The following CDKAL1 variants were observed in gnomAD, a reference collection of about 807,000 sequenced individuals.
CDKAL1 encodes the protein CDKAL1 threonylcarbamoyladenosine tRNA methylthiotransferase.
Under a neutral mutation model 68.2 loss-of-function variants are expected in CDKAL1, and 32 were observed. The ratio of observed to expected loss-of-function variants is 0.47; its 90% CI spans 0.35 to 0.63. The LOEUF (loss-of-function observed/expected upper bound fraction) is 0.63. CDKAL1 is among the 30% of genes least tolerant of loss of function. CDKAL1 has a pLI of 0.00. For missense variants in CDKAL1, 606 were observed against 696.7 expected, an observed-to-expected ratio of 0.87 and a Z score of 1.47; for synonymous variants, 234 against 244.3, an observed-to-expected ratio of 0.96 and a Z score of 0.39.
intron 8 of CDKAL1, among the ~76,000 whole-genome samples, chr6:20,814,768 G>A (rs2150429391): frequency 6.6e-6 from 1 of 152,276 alleles, no homozygotes; most frequent in Non-Finnish European, 1.5e-5. Context: ...TGTAGTTCCT[G>A]TACATGTACA....
intron 13 of CDKAL1, among the ~76,000 whole-genome samples, chr6:21,141,718 T>C (rs997398876): frequency 2.6e-5 from 4 of 152,150 alleles, no homozygotes; most frequent in African/African-American, 9.7e-5. Context: ...AGAGAAATTA[T>C]CCACATAAAA....
At chr6:20,546,024 T>C (rs568026476) in intron 2 of CDKAL1, among the ~76,000 whole-genome samples, 70 of 152,334 alleles carry the variant, frequency 4.6e-4, no homozygotes, top group African/African-American at 1.6e-3. Flanking sequence ...TTGTTAGGCT[T>C]TTACGCTTCC....
At chr6:21,135,766 A>C in intron 13 of CDKAL1, 3 of 907,702 alleles carry the variant, frequency 3.3e-6, no homozygotes, top group Non-Finnish European at 2.6e-6. Flanking sequence ...AGGCAGTGCC[A>C]GAAAGACAGC....
intron 11 of CDKAL1, among the ~76,000 whole-genome samples, chr6:21,034,413 G>A (rs1769462878): frequency 1.3e-5 from 2 of 151,740 alleles, no homozygotes; most frequent in African/African-American, 4.9e-5. Flanking sequence ...GGAGAATCCA[G>A]CAACCTTTAA....
intron 12 of CDKAL1, among the ~76,000 whole-genome samples, chr6:21,087,737 A>G (rs1189112904): frequency 6.6e-6 from 1 of 152,150 alleles, no homozygotes; most frequent in Admixed American, 6.5e-5. Flanking sequence ...AATTTTATAT[A>G]TGTGTGTTTA....
chr6:20,892,433 A>G (rs1332482223), intron 9 of CDKAL1, among the ~76,000 whole-genome samples: 2 of 152,240 alleles, frequency 1.3e-5, no homozygotes, highest in Non-Finnish European at 2.9e-5. Context: ...AAGGTATGGT[A>G]ATAATGAAAT....
intron 5 of CDKAL1, among the ~76,000 whole-genome samples, chr6:20,681,080 CA>C (rs1333295443): frequency 6.6e-6 from 1 of 152,198 alleles, no homozygotes; most frequent in South Asian, 2.1e-4. Context: ...TCTGTTGTAT[CA>C]TGTTAGTTGG....
intron 4 of CDKAL1, among the ~76,000 whole-genome samples, chr6:20,648,807 T>C (rs1033853141): frequency 6.6e-6 from 1 of 152,200 alleles, no homozygotes; most frequent in African/African-American, 2.4e-5. Context: ...TATAACAATA[T>C]TTAATCAAAA....
chr6:20,968,115 CT>C, intron 10 of CDKAL1, among the ~76,000 whole-genome samples: 1 of 147,282 alleles, frequency 6.8e-6, no homozygotes, highest in Non-Finnish European at 1.5e-5. Flanking sequence ...GTTTCTAGAG[CT>C]TTTAGGATGT....
chr6:20,806,212 C>G (rs1052514858), intron 8 of CDKAL1, among the ~76,000 whole-genome samples: 4 of 152,112 alleles, frequency 2.6e-5, no homozygotes, highest in Non-Finnish European at 4.4e-5. Context: ...GTTTAGCTCC[C>G]TCTTATTAGT....
intron 12 of CDKAL1, among the ~76,000 whole-genome samples, chr6:21,098,151 T>C (rs1197204804): frequency 6.6e-6 from 1 of 152,192 alleles, no homozygotes. Flanking sequence ...ATTAATCACC[T>C]AAGTTTTAGA....
intron 13 of CDKAL1, among the ~76,000 whole-genome samples, chr6:21,135,272 T>C (rs1775535022): frequency 6.6e-6 from 1 of 152,190 alleles, no homozygotes; most frequent in Non-Finnish European, 1.5e-5. Context: ...TGGTTTCTTA[T>C]CTTGAAATTG....
chr6:20,676,106 G>T lies in CDKAL1; in HGVS notation c.371+26729G>T, dbSNP rs180736587. ...ATATTTTTGTACACCTGAACAATTT[G>T]TGTTTTAAGGTAATCGTTATTATGA... On this transcript the variant is annotated intron_variant, in intron 5 of 15. Coordinates refer to ENST00000274695, the MANE Select transcript of CDKAL1 (RefSeq NM_017774.3). 2.4e-4 allele frequency among the ~76,000 whole-genome samples: 37 copies of T among 152,278 alleles called. 1 individual carries two copies. The East Asian group carries it at 6.9e-3, about 29-fold the overall frequency.
At position 21,159,303 on chromosome 6, in the gene CDKAL1, CT is replaced by C. The variant is rs1776796853; in HGVS notation, c.1300-38717del. On this transcript the variant is annotated intron_variant, in intron 13 of 15. Transcript: ENST00000274695. Reference sequence around the variant, plus strand: ...ACTGATTATAAGCTAGGAAATATTCCTGTGTTTCTACTTAAAATCAGCTTTA... The same window carrying C: ...ACTGATTATAAGCTAGGAAATATTCCGTGTTTCTACTTAAAATCAGCTTTA... 2.0e-5 allele frequency among the ~76,000 whole-genome samples: 3 copies of C among 152,024 alleles called. No homozygotes were observed. The South Asian group carries it at 6.2e-4, about 32-fold the overall frequency.
At chr6:20,889,161 A>G (rs988288813) in intron 9 of CDKAL1, among the ~76,000 whole-genome samples, 17 of 151,928 alleles carry the variant, frequency 1.1e-4, no homozygotes, top group Non-Finnish European at 2.1e-4. Flanking sequence ...TGGCTGCATA[A>G]ATGTCTTCTT....
At chr6:20,730,994 C>T (rs1772899669) in intron 5 of CDKAL1, among the ~76,000 whole-genome samples, 2 of 151,922 alleles carry the variant, frequency 1.3e-5, no homozygotes, top group South Asian at 4.2e-4. Context: ...GACATCTGGG[C>T]CAAGAATGTA....
intron 9 of CDKAL1, among the ~76,000 whole-genome samples, chr6:20,862,918 T>C (rs1295941153): frequency 6.6e-6 from 1 of 152,050 alleles, no homozygotes; most frequent in Non-Finnish European, 1.5e-5. Flanking sequence ...TCCCAGCTAC[T>C]TGGAAGGCTG....
chr6:20,699,362 C>T (rs1771244092), intron 5 of CDKAL1, among the ~76,000 whole-genome samples: 2 of 151,416 alleles, frequency 1.3e-5, no homozygotes, highest in South Asian at 4.2e-4. Flanking sequence ...GTAGCATTAT[C>T]ATCTTTTTTA....
intron 4 of CDKAL1, among the ~76,000 whole-genome samples, chr6:20,590,395 G>A (rs998648879): frequency 4.0e-5 from 6 of 151,816 alleles, no homozygotes; most frequent in Non-Finnish European, 7.4e-5. Flanking sequence ...GGATACATGT[G>A]CAGAATGTGC....
Sources: gnomAD v4.1 joint callset for allele counts (sites outside exome capture counted in the v4.1 genomes callset) on GRCh38, gnomAD v4.1.1 for gene constraint, MANE v1.5 for transcripts, NCBI Gene and HGNC (gene_info 2026-07-23, HGNC 2026-07-21) for gene names.